Variants in ACACB observed in about 807,000 individuals in gnomAD.
ACACB encodes acetyl-CoA carboxylase beta, also known as acetyl-CoA carboxylase 2.
ACACB carries 209 observed loss-of-function variants against 278.8 expected under a neutral mutation model. The observed-to-expected ratio is 0.75, with a 90% CI of 0.67 to 0.84. ACACB has a LOEUF of 0.84. Among genes scored for constraint, ACACB ranks in the 40% least tolerant of loss-of-function variants. The pLI, the probability that ACACB is intolerant of heterozygous loss-of-function variation, is 0.00. For missense variants in ACACB, 2,850 were observed against 3,269.0 expected, an observed-to-expected ratio of 0.87 and a Z score of 3.13; for synonymous variants, 1,174 against 1,285.6, an observed-to-expected ratio of 0.91 and a Z score of 1.86.
At chr12:109,152,348 T>C (rs911041989) in intron 2 of ACACB, among the ~76,000 whole-genome samples, 8 of 152,216 alleles carry the variant, frequency 5.3e-5, no homozygotes, top group Non-Finnish European at 1.2e-4. Flanking sequence ...GAATACTTGT[T>C]GGTTTTGGTT....
At chr12:109,265,557 C>T (rs1451247445) in intron 52 of ACACB, 32 bp downstream of exon 52, 2 of 1,609,220 alleles carry the variant, frequency 1.2e-6, no homozygotes, top group Admixed American at 1.7e-5. Context: ...TTCCCAGCCT[C>T]CTGGCAAGGA....
intron 13 of ACACB, among the ~76,000 whole-genome samples, chr12:109,190,523 G>T (rs1245951383): frequency 6.6e-6 from 1 of 152,252 alleles, no homozygotes; most frequent in Non-Finnish European, 1.5e-5. Context: ...ACACACACCA[G>T]GCAGAGCAGC....
At chr12:109,240,091 AAACCATGCG>A in intron 35 of ACACB, 106 bp downstream of exon 35, 1 of 1,334,364 alleles carries the variant, frequency 7.5e-7, no homozygotes. Context: ...TTCCAGGATG[AAACCATGCG>A]TATCTGAGCC....
At chr12:109,264,106 C>G (rs2047448661) in intron 49 of ACACB, 126 bp from the exon 50 acceptor site, 2 of 1,143,640 alleles carry the variant, frequency 1.7e-6, no homozygotes, top group African/African-American at 3.1e-5. Flanking sequence ...AAGCTCAGAC[C>G]TCTCACAAGG....
intron 7 of ACACB, among the ~76,000 whole-genome samples, chr12:109,175,473 T>C (rs995805007): frequency 6.6e-6 from 1 of 152,172 alleles, no homozygotes; most frequent in Non-Finnish European, 1.5e-5. Context: ...CAAACTGTAG[T>C]GGCATGATCA....
chr12:109,167,140 T>A, intron 3 of ACACB, 147 bp downstream of exon 3: 1 of 966,786 alleles, frequency 1.0e-6, no homozygotes, highest in Non-Finnish European at 1.5e-6. Flanking sequence ...GTTTTAATAG[T>A]TTAACCCTCA....
chr12:109,117,881 G>A (rs1048047188), intron 1 of ACACB, among the ~76,000 whole-genome samples: 3 of 152,096 alleles, frequency 2.0e-5, no homozygotes, highest in Non-Finnish European at 4.4e-5. Context: ...CAAGTAGCTG[G>A]GACTACAGGC....
chr12:109,236,792 G>C (rs7974710), intron 33 of ACACB, among the ~76,000 whole-genome samples: 30,750 of 150,152 alleles, frequency 0.2, 3,351 homozygotes, highest in Non-Finnish European at 0.22. Context: ...CTTTCTTTTC[G>C]GGGACCAATT....
Position 109,199,360 on chromosome 12 carries a change from A to G in ACACB, c.2628-42A>G, listed in dbSNP as rs141197610. Reference sequence around the variant, plus strand: ...CCGGACTAGGGCTTGCTGAGTTGGTAGTCCTCATCAGTCTCCCTACCCGAC... The same window carrying G: ...CCGGACTAGGGCTTGCTGAGTTGGTGGTCCTCATCAGTCTCCCTACCCGAC... On this transcript the variant is annotated intron_variant, in intron 17 of 52. Transcript: ENST00000338432. The G allele has an allele frequency of 1.1e-4, 154 of 1,400,860 alleles. No homozygotes were observed. The African/African-American group carries it at 1.5e-3, about 14-fold the overall frequency. 86.8% of individuals were successfully genotyped at this position (1,400,860 alleles called of 1,614,324 possible). A position where few individuals can be genotyped will look rare whatever the true frequency, so the allele number is the denominator to read the frequency against.
In ACACB at chr12:109,193,498, G is replaced by A. The variant is rs1354750462; in HGVS notation, c.2400-150G>A. The A allele has an allele frequency of 4.0e-5, 25 of 632,544 alleles. 1 individual carries two copies. The highest frequency in any genetic ancestry group is 2.5e-4 in the Admixed American group (10 of 40,810). The allele number at this position is 632,544 out of a possible 1,614,324, so 39.2% of individuals were successfully genotyped here. On this transcript the variant is annotated intron_variant, in intron 15 of 52. Coordinates refer to ENST00000338432, the MANE Select transcript of ACACB (RefSeq NM_001093.4). ...CTCCCAAGGTGCAGGGATTACAGGC[G>A]TGAGCCATTGCGCCCAGCCCAGGCT...
chr12:109,264,542 C>T (rs879081411), intron 50 of ACACB, among the ~76,000 whole-genome samples, 156 bp downstream of exon 50: 1 of 152,220 alleles, frequency 6.6e-6, no homozygotes, highest in South Asian at 2.1e-4. Context: ...AAAATAATCC[C>T]GATCCCCAGG....
rs963075043 is a variant in ACACB, at chr12:109,171,865, A to G, written c.986A>G (p.Tyr329Cys). The part of the protein sequence containing the change: ...PVPGGPNNNN[Y>C]ANVELIVDIA... The stretch of plus-strand genomic sequence containing the variant: ...CCAGGAGGGCCCAATAACAACAACT[A>G]TGCCAACGTGGAGCTGATTGTGGAC... Residue 329 changes from tyrosine to cysteine, a missense_variant, in exon 5 of 53, where the codon TAT becomes TGT. This residue lies in a region of ACACB where 2,265 missense variants were observed against 2,561.3 expected (regional missense o/e 0.88). Coordinates refer to ENST00000338432, the MANE Select transcript of ACACB (RefSeq NM_001093.4). 1.9e-6 allele frequency: 3 copies of G among 1,614,072 alleles called. No individual in the cohort carries two copies. The highest frequency in any genetic ancestry group is 2.5e-6 in the Non-Finnish European group (3 of 1,179,980).
intron 1 of ACACB, among the ~76,000 whole-genome samples, chr12:109,126,690 C>G (rs1343792398): frequency 1.3e-5 from 2 of 150,920 alleles, no homozygotes. Context: ...TCTCTACACA[C>G]ACAAAAAAAA....
At chr12:109,249,922 T>C (rs2047049362) in intron 40 of ACACB, 62 bp from the exon 41 acceptor site, 1 of 1,545,578 alleles carries the variant, frequency 6.5e-7, no homozygotes, top group South Asian at 1.2e-5. Flanking sequence ...TCTTGGGAAA[T>C]GCATCCACCT....
intron 1 of ACACB, among the ~76,000 whole-genome samples, chr12:109,124,232 G>A (rs2042622699): frequency 6.6e-6 from 1 of 152,030 alleles, no homozygotes; most frequent in Admixed American, 6.5e-5. Flanking sequence ...TTTCTCTTAA[G>A]TCTCCTCATC....
chr12:109,180,212 G>C (rs1305867878), intron 11 of ACACB, 125 bp downstream of exon 11: 1 of 949,958 alleles, frequency 1.1e-6, no homozygotes, highest in Admixed American at 2.7e-5. Context: ...TGGCCAAAGA[G>C]CACTTTGAGA....
chr12:109,171,017 T>TG (rs1240699075), intron 4 of ACACB, among the ~76,000 whole-genome samples: 2 of 146,060 alleles, frequency 1.4e-5, no homozygotes, highest in African/African-American at 5.0e-5. Context: ...TTTTGGATTT[T>TG]TTTTTTTTTT....
chr12:109,147,356 C>G (rs926078866), intron 2 of ACACB, among the ~76,000 whole-genome samples: 3 of 150,310 alleles, frequency 2.0e-5, no homozygotes, highest in Non-Finnish European at 2.9e-5. Flanking sequence ...TCCTGAGAAG[C>G]TGGGACTACA....
intron 19 of ACACB, among the ~76,000 whole-genome samples, chr12:109,202,225 A>G (rs1315132160): frequency 8.5e-6 from 1 of 117,512 alleles, no homozygotes; most frequent in Admixed American, 9.2e-5. Flanking sequence ...CAGAACAGTT[A>G]TGTAAGTAGT....
Sources: allele counts gnomAD v4.1 joint callset (sites outside exome capture counted in the v4.1 genomes callset), GRCh38; gene constraint gnomAD v4.1.1; regional missense constraint gnomAD v4.1.1; transcripts MANE v1.5; gene names NCBI Gene and HGNC (gene_info 2026-07-23, HGNC 2026-07-21).